The following CCDC171 variants were observed in gnomAD, a reference collection of about 807,000 sequenced individuals.
CCDC171 encodes coiled-coil domain-containing protein 171.
CCDC171 carries 177 observed loss-of-function variants against 168.2 expected under a neutral mutation model. That is an observed-to-expected ratio of 1.05 (90% confidence interval 0.93 to 1.19). The LOEUF (loss-of-function observed/expected upper bound fraction) is 1.19. Among genes scored for constraint, CCDC171 ranks in the 50% most tolerant of loss-of-function variants. The pLI, the probability that CCDC171 is intolerant of heterozygous loss-of-function variation, is 0.00. For synonymous variants in CCDC171, 687 were observed against 540.8 expected (o/e 1.27, Z -3.75); for missense variants, 1,991 against 1,539.0 (o/e 1.29, Z -4.91).
intron 6 of CCDC171, among the ~76,000 whole-genome samples, chr9:15,596,571 G>A (rs1754421252): frequency 6.6e-6 from 1 of 152,036 alleles, no homozygotes; most frequent in Non-Finnish European, 1.5e-5. Context: ...TTTGAAGTCA[G>A]GTAGCGTGAT....
intron 21 of CCDC171, among the ~76,000 whole-genome samples, chr9:15,824,533 A>G (rs2059933602): frequency 6.6e-6 from 1 of 151,920 alleles, no homozygotes; most frequent in Admixed American, 6.6e-5. Flanking sequence ...ACTTTGATTC[A>G]CATGATCTCC....
rs1343076207 is a variant in CCDC171 at position 15,745,515 on chromosome 9, A to G, written c.2555A>G (p.Lys852Arg). ...GEPQDKHKFPKHQKEQLRCLQ... is the reference protein window; with the variant it reads ...GEPQDKHKFPRHQKEQLRCLQ... Reference sequence around the variant, plus strand: ...ACAATGGATTTTTTCAATTTTATAGAACATCAAAAGGAGCAGTTGCGTTGT... The same window carrying G: ...ACAATGGATTTTTTCAATTTTATAGGACATCAAAAGGAGCAGTTGCGTTGT... Residue 852 changes from lysine (K) to arginine (R), a missense_variant and splice_region_variant, in exon 18 of 26, where the codon AAA becomes AGA. Physicochemically the swap from Lys to Arg is conservative, Grantham distance 26. Coordinates refer to ENST00000380701, the MANE Select transcript of CCDC171 (RefSeq NM_173550.4). The G allele has an allele frequency of 6.5e-7, 1 of 1,534,428 alleles. No individual in the cohort carries two copies. Among genetic ancestry groups the G allele is most frequent in the East Asian group, 2.4e-5 (1 of 41,910 alleles).
intron 6 of CCDC171, among the ~76,000 whole-genome samples, chr9:15,599,566 C>G (rs1253051480): frequency 6.6e-6 from 1 of 152,204 alleles, no homozygotes; most frequent in African/African-American, 2.4e-5. Flanking sequence ...ACCTTTCTGT[C>G]TGGCTGCCCT....
the CCDC171 span, among the ~76,000 whole-genome samples, chr9:16,071,930 AC>A: frequency 6.6e-6 from 1 of 150,916 alleles, no homozygotes; most frequent in African/African-American, 2.4e-5. Flanking sequence ...GTTTCCCCTC[AC>A]AGCTCACCTG....
intron 7 of CCDC171, among the ~76,000 whole-genome samples, chr9:15,638,408 C>G (rs1348458485): frequency 6.6e-6 from 1 of 151,932 alleles, no homozygotes; most frequent in Non-Finnish European, 1.5e-5. Flanking sequence ...ACAATCACTA[C>G]CAGTAATACT....
intron 6 of CCDC171, among the ~76,000 whole-genome samples, chr9:15,620,972 T>A (rs1444934061): frequency 1.3e-5 from 2 of 152,184 alleles, no homozygotes; most frequent in Non-Finnish European, 2.9e-5. Flanking sequence ...TTAATTTTAT[T>A]TATTTATTTT....
chr9:15,631,020 C>A (rs1387490431), intron 7 of CCDC171, among the ~76,000 whole-genome samples: 2 of 151,914 alleles, frequency 1.3e-5, no homozygotes, highest in Admixed American at 1.3e-4. Flanking sequence ...ACATTCAAAG[C>A]AGTGTGTAGA....
At chr9:15,866,950 C>A (rs563017249) in intron 23 of CCDC171, among the ~76,000 whole-genome samples, 1 of 151,964 alleles carries the variant, frequency 6.6e-6, no homozygotes. Flanking sequence ...CATAAGCCAT[C>A]TCTAGATTCT....
At chr9:16,093,073 A>G in the CCDC171 span, among the ~76,000 whole-genome samples, 1 of 152,204 alleles carries the variant, frequency 6.6e-6, no homozygotes, top group Non-Finnish European at 1.5e-5. Context: ...TTTCATTTTC[A>G]AAGCAGGAAA....
intron 21 of CCDC171, among the ~76,000 whole-genome samples, chr9:15,805,865 T>C (rs778267810): frequency 1.8e-4 from 28 of 151,878 alleles, no homozygotes; most frequent in Non-Finnish European, 2.4e-4. Context: ...CTCCCAGTAT[T>C]ATTGTGTATT....
intron 18 of CCDC171, among the ~76,000 whole-genome samples, chr9:15,758,491 G>C (rs1029211049): frequency 6.6e-6 from 1 of 152,210 alleles, no homozygotes; most frequent in Non-Finnish European, 1.5e-5. Context: ...GAAGGGACTT[G>C]CCTTGTCTCA....
intron 3 of CCDC171, among the ~76,000 whole-genome samples, chr9:15,980,283 C>T (rs1027738185): frequency 6.6e-6 from 1 of 152,146 alleles, no homozygotes; most frequent in Admixed American, 6.6e-5. Flanking sequence ...CGAATTCAAA[C>T]AACAACTGGA....
In CCDC171 at chr9:15,778,154, C is replaced by T. The variant is rs375014697; in HGVS notation, c.2898+328C>T. ...CTACTAAAAATACAAAAAATTAGCC[C>T]GGCGCGGTGGCGGGCGCCTGTAGTC... On this transcript the variant is annotated intron_variant, in intron 19 of 25. Coordinates refer to ENST00000380701, the MANE Select transcript of CCDC171 (RefSeq NM_173550.4). Among the ~76,000 whole-genome samples, 10 of 148,754 alleles carry T rather than the reference C, an allele frequency of 6.7e-5. No individual in the cohort carries two copies. In the East Asian group the frequency reaches 1.2e-3, roughly 18 times the overall value.
At chr9:15,795,933 C>T (rs1219002326) in intron 21 of CCDC171, among the ~76,000 whole-genome samples, 6 of 152,102 alleles carry the variant, frequency 3.9e-5, no homozygotes, top group African/African-American at 7.2e-5. Context: ...TAGAAGGAAA[C>T]GTGAAAATGT....
At chr9:15,723,173 A>G (rs1172886007) in intron 12 of CCDC171, among the ~76,000 whole-genome samples, 1 of 152,224 alleles carries the variant, frequency 6.6e-6, no homozygotes, top group Non-Finnish European at 1.5e-5. Flanking sequence ...CAAGCGGTGC[A>G]GGACCAACTG....
chr9:15,903,022 A>G (rs1821940697), intron 24 of CCDC171, among the ~76,000 whole-genome samples: 1 of 152,136 alleles, frequency 6.6e-6, no homozygotes, highest in Non-Finnish European at 1.5e-5. Context: ...GTAGGTAAAC[A>G]AAGCAGCCGG....
the CCDC171 span, among the ~76,000 whole-genome samples, chr9:16,078,447 GA>G: frequency 6.6e-6 from 1 of 152,116 alleles, no homozygotes; most frequent in African/African-American, 2.4e-5. Flanking sequence ...CCAAGAAAAA[GA>G]AAAAACGTTC....
intron 23 of CCDC171, among the ~76,000 whole-genome samples, chr9:15,852,903 A>G (rs560181871): frequency 7.9e-5 from 12 of 151,622 alleles, no homozygotes; most frequent in Non-Finnish European, 1.5e-4. Context: ...CTATAGATGT[A>G]TAGGTTTATT....
At chr9:15,950,022 T>C (rs1171321867) in intron 25 of CCDC171, among the ~76,000 whole-genome samples, 1 of 152,068 alleles carries the variant, frequency 6.6e-6, no homozygotes, top group Non-Finnish European at 1.5e-5. Flanking sequence ...TGAAGGAGTA[T>C]CAGCGATGGA....
Sources: allele counts gnomAD v4.1 joint callset (sites outside exome capture counted in the v4.1 genomes callset), GRCh38; gene constraint gnomAD v4.1.1; transcripts MANE v1.5; gene names NCBI Gene and HGNC (gene_info 2026-07-23, HGNC 2026-07-21).